Variants in TMEM132C observed in about 807,000 individuals in gnomAD.
TMEM132C encodes the protein protein phosphatase 1, regulatory subunit 152.
A neutral mutation model predicts 61.4 loss-of-function variants in TMEM132C; 29 were observed. That is an observed-to-expected ratio of 0.47 (90% CI 0.35 to 0.64). The LOEUF (loss-of-function observed/expected upper bound fraction) is 0.64, where lower values mean the gene tolerates loss of function less well. Among genes scored for constraint, TMEM132C ranks in the 30% least tolerant of loss-of-function variants. TMEM132C has a pLI of 0.00. For missense variants in TMEM132C, 1,408 were observed against 1,476.9 expected (o/e 0.95, Z 0.76); for synonymous variants, 656 against 633.1 (o/e 1.04, Z -0.54).
At chr12:128,450,232 A>T (rs1271578617) in intron 2 of TMEM132C, among the ~76,000 whole-genome samples, 2 of 151,286 alleles carry the variant, frequency 1.3e-5, no homozygotes, top group Non-Finnish European at 2.9e-5. Context: ...TAATTAATTT[A>T]AATTTAAGAG....
intron 2 of TMEM132C, among the ~76,000 whole-genome samples, chr12:128,503,724 G>A (rs1480371500): frequency 6.6e-6 from 1 of 152,192 alleles, no homozygotes; most frequent in Non-Finnish European, 1.5e-5. Flanking sequence ...TGAGGAAATG[G>A]AAGTGCAGAC....
intron 2 of TMEM132C, among the ~76,000 whole-genome samples, chr12:128,466,902 A>G (rs1339268038): frequency 6.6e-6 from 1 of 152,204 alleles, no homozygotes; most frequent in East Asian, 1.9e-4. Flanking sequence ...AGGGGAAGAG[A>G]TAAAGCTGCA....
chr12:128,474,381 A>G (rs75276131), intron 2 of TMEM132C, among the ~76,000 whole-genome samples: 2,976 of 152,232 alleles, frequency 0.02, 106 homozygotes, highest in African/African-American at 0.069. Flanking sequence ...AGCTCCCTCA[A>G]TTGTTGCTCA....
intron 5 of TMEM132C, among the ~76,000 whole-genome samples, chr12:128,676,860 G>T (rs1187142591): frequency 1.3e-5 from 2 of 152,214 alleles, no homozygotes; most frequent in African/African-American, 2.4e-5. Context: ...CCAGTGTGCG[G>T]TGTAAAAGTA....
intron 3 of TMEM132C, among the ~76,000 whole-genome samples, chr12:128,613,646 G>A (rs367830417): frequency 1.3e-5 from 2 of 152,112 alleles, no homozygotes; most frequent in East Asian, 3.9e-4. Flanking sequence ...ATGATTCTGT[G>A]GGCCCTGTTC....
chr12:128,643,112 A>G (rs142042349), intron 4 of TMEM132C, among the ~76,000 whole-genome samples: 56 of 152,208 alleles, frequency 3.7e-4, no homozygotes, highest in African/African-American at 1.3e-3. Context: ...AATCACTTCA[A>G]AGAAAGAGAC....
At chr12:128,355,824 C>A (rs1357018996) in intron 1 of TMEM132C, among the ~76,000 whole-genome samples, 3 of 152,070 alleles carry the variant, frequency 2.0e-5, no homozygotes, top group Non-Finnish European at 2.9e-5. Flanking sequence ...GCTCTGCCTC[C>A]TTTGGAGCTT....
rs1875859104 is a variant in TMEM132C at position 128,594,097 on chromosome 12, C to A, written c.1122-22055C>A. Among the ~76,000 whole-genome samples the A allele has an allele frequency of 5.0e-5, 7 of 140,380 alleles. No individual in the cohort carries two copies. In the South Asian group the frequency reaches 1.6e-3, roughly 32 times the overall value. The allele number at this position is 140,380 out of a possible 152,430, so 92.1% of individuals were successfully genotyped here. A position where few individuals can be genotyped will look rare whatever the true frequency, so the allele number is the denominator to read the frequency against. ...ACAAAGAAATCAGCCAAGGGAGAGC[C>A]CCCACCTCCACCGCAGGCGTCCCTG... is the stretch of plus-strand genomic sequence containing the variant. On this transcript the variant is annotated intron_variant, in intron 3 of 8. Coordinates refer to ENST00000435159, the MANE Select transcript of TMEM132C (RefSeq NM_001136103.3).
At chr12:128,576,765 C>T (rs1358458058) in intron 3 of TMEM132C, among the ~76,000 whole-genome samples, 1 of 152,212 alleles carries the variant, frequency 6.6e-6, no homozygotes, top group Non-Finnish European at 1.5e-5. Context: ...CTCCCAGGCC[C>T]ATGCTTTGGT....
intron 2 of TMEM132C, among the ~76,000 whole-genome samples, chr12:128,482,612 T>C (rs1399374777): frequency 6.6e-6 from 1 of 152,208 alleles, no homozygotes; most frequent in Non-Finnish European, 1.5e-5. Context: ...TTCTGGGCTT[T>C]TTTTGGTTGG....
intron 4 of TMEM132C, among the ~76,000 whole-genome samples, chr12:128,656,866 C>T (rs1008911444): frequency 6.6e-6 from 1 of 152,218 alleles, no homozygotes; most frequent in Non-Finnish European, 1.5e-5. Context: ...GAGGCAGCCT[C>T]TTTTGCCACA....
intron 3 of TMEM132C, among the ~76,000 whole-genome samples, chr12:128,594,909 A>C (rs1295639795): frequency 6.6e-6 from 1 of 152,244 alleles, no homozygotes; most frequent in Non-Finnish European, 1.5e-5. Flanking sequence ...GCTTCAGTAG[A>C]ACAGCTACGG....
At chr12:128,668,928 C>T (rs1954503183) in intron 4 of TMEM132C, among the ~76,000 whole-genome samples, 1 of 152,170 alleles carries the variant, frequency 6.6e-6, no homozygotes, top group South Asian at 2.1e-4. Flanking sequence ...GATAATTCTT[C>T]CATCTTAAGA....
intron 1 of TMEM132C, among the ~76,000 whole-genome samples, chr12:128,353,730 G>C (rs1873412199): frequency 6.6e-6 from 1 of 152,116 alleles, no homozygotes; most frequent in African/African-American, 2.4e-5. Flanking sequence ...GGAACCAAGG[G>C]TGGGTTGTTC....
At chr12:128,327,302 G>A (rs563466141) in intron 1 of TMEM132C, among the ~76,000 whole-genome samples, 11 of 150,366 alleles carry the variant, frequency 7.3e-5, no homozygotes, top group South Asian at 2.1e-4. Flanking sequence ...ACCATGGCCC[G>A]AGACACAGCC....
intron 4 of TMEM132C, among the ~76,000 whole-genome samples, chr12:128,656,212 G>A (rs140997445): frequency 0.019 from 2,846 of 152,118 alleles, 83 homozygotes; most frequent in African/African-American, 0.066. Flanking sequence ...CACCACACCC[G>A]GCTAATTTTT....
intron 3 of TMEM132C, among the ~76,000 whole-genome samples, chr12:128,548,769 T>C (rs1565970840): frequency 6.6e-6 from 1 of 152,218 alleles, no homozygotes; most frequent in African/African-American, 2.4e-5. Flanking sequence ...GAAGATTGTG[T>C]CTGTATTGCA....
intron 4 of TMEM132C, among the ~76,000 whole-genome samples, chr12:128,653,988 C>A (rs1161218232): frequency 6.6e-6 from 1 of 152,192 alleles, no homozygotes; most frequent in Non-Finnish European, 1.5e-5. Flanking sequence ...TGTGTTGACA[C>A]CAGCCCTTTC....
chr12:128,701,396 A>G lies in TMEM132C; in HGVS notation c.2122-3694A>G, dbSNP rs1366203166. ...CTGGTGTTGGCCAGGGCTTACCAAC[A>G]CAAGTGATATGACCCAATCCAACTC... On this transcript the variant is annotated intron_variant, in intron 8 of 8. Coordinates refer to ENST00000435159, the MANE Select transcript of TMEM132C (RefSeq NM_001136103.3). 2.0e-5 allele frequency among the ~76,000 whole-genome samples: 3 copies of G among 152,214 alleles called. No homozygotes were observed. The East Asian group carries it at 5.8e-4, about 29-fold the overall frequency.
Sources: gnomAD v4.1 joint callset for allele counts (sites outside exome capture counted in the v4.1 genomes callset) on GRCh38, gnomAD v4.1.1 for gene constraint, MANE v1.5 for transcripts, NCBI Gene and HGNC (gene_info 2026-07-23, HGNC 2026-07-21) for gene names.